GJB1: variants seen among roughly 807,000 people sequenced by gnomAD.
The protein encoded by GJB1 is gap junction protein beta 1.
Under a neutral mutation model 12.0 loss-of-function variants are expected in GJB1, and 1 was observed. That is an observed-to-expected ratio of 0.08 (90% CI 0.03 to 0.40). The LOEUF (loss-of-function observed/expected upper bound fraction) is 0.40. Among genes scored for constraint, GJB1 ranks in the 10% least tolerant of loss-of-function variants. The pLI, the probability that GJB1 is intolerant of heterozygous loss-of-function variation, is 0.98. For missense variants in GJB1, 140 were observed against 250.3 expected, an observed-to-expected ratio of 0.56 and a Z score of 2.97; for synonymous variants, 114 against 102.8, an observed-to-expected ratio of 1.11 and a Z score of -0.66.
chrX:71,215,371 G>C (rs1459472011), intron 1 of GJB1: 1 of 112,221 alleles, frequency 8.9e-6, no homozygotes, highest in Non-Finnish European at 1.9e-5. Flanking sequence ...GCCGGGTCTT[G>C]CCTTCTACTG....
At chrX:71,218,542 A>G (rs2092529833), upstream of GJB1, among the ~76,000 whole-genome samples, 1 of 109,488 alleles carries the variant, frequency 9.1e-6, no homozygotes, top group African/African-American at 3.3e-5. Flanking sequence ...AGATCGCGCC[A>G]CTGCACTTCA....
At position 71,224,197 on chromosome X, in the gene GJB1, C is replaced by T. The variant is rs139643362; in HGVS notation, c.490C>T (p.Arg164Trp). ...GCTCTACCCTGGCTATGCCATGGTG[C>T]GGCTGGTCAAGTGCGACGTCTACCC... ...YLLYPGYAMV[R>W]LVKCDVYPCP... is the part of the protein sequence containing the mutation. The change falls in exon 2 of 2, where the codon CGG becomes TGG. Residue 164 changes from arginine (R) to tryptophan (W), a missense_variant. By Grantham distance (101) the Arg-to-Trp change is moderately radical. This residue lies in a region of GJB1 where 49 missense variants were observed against 104.5 expected (regional missense o/e 0.47). Transcript: ENST00000361726. 3 of 1,203,185 alleles carry T rather than the reference C, an allele frequency of 2.5e-6. No individual in the cohort carries two copies. The highest frequency in any genetic ancestry group is 2.2e-6 in the Non-Finnish European group (2 of 892,923).
rs185840896 is a variant in GJB1, at chrX:71,224,677, C to T, written c.*118C>T. On this transcript the variant is annotated 3_prime_UTR_variant, in exon 2 of 2. Transcript: ENST00000361726. ...TGGGGATTACTCGATCAAAACCTTC[C>T]TTCCCTGGCTACTTCCCTTCCTCCC... The T allele has an allele frequency of 5.4e-5, 37 of 678,953 alleles. No individual in the cohort carries two copies. In the Admixed American group the frequency reaches 9.3e-4, roughly 17 times the overall value. The allele number at this position is 678,953 out of a possible 1,213,427, so 56.0% of individuals were successfully genotyped here. A position where few individuals can be genotyped will look rare whatever the true frequency, so the allele number is the denominator to read the frequency against.
At chrX:71,217,799 C>T (rs2092528388) in intron 1 of GJB1, 1 of 105,431 alleles carries the variant, frequency 9.5e-6, no homozygotes, top group Non-Finnish European at 1.9e-5. Flanking sequence ...AACCTAGAAA[C>T]TCAGGGGTGG....
chrX:71,218,711 A>G (rs982553704), upstream of GJB1, among the ~76,000 whole-genome samples: 21 of 109,755 alleles, frequency 1.9e-4, no homozygotes, highest in African/African-American at 4.6e-4. Flanking sequence ...GTGAAACCCC[A>G]TCTCTACTAA....
chrX:71,224,864 C>G lies in GJB1; in HGVS notation c.*305C>G. The G allele has an allele frequency of 2.5e-6, 1 of 400,493 alleles. No homozygotes were observed. The allele number at this position is 400,493 out of a possible 1,213,427, so 33.0% of individuals were successfully genotyped here. ...GGGTACAAGAGATGGGATGCTCCGA[C>G]AGCGTCTCCAATTATGAAACTAATC... On this transcript the variant is annotated 3_prime_UTR_variant, in exon 2 of 2. Transcript: ENST00000361726.
chrX:71,215,337 T>G (rs1009229740), intron 1 of GJB1: 1 of 111,900 alleles, frequency 8.9e-6, no homozygotes, highest in Non-Finnish European at 1.9e-5. Flanking sequence ...AGGGCTGATG[T>G]GGCACAGTGG....
In GJB1 at chrX:71,215,996, C is replaced by T. The variant is rs186038035; in HGVS notation, c.-17+725C>T. ...AAGCGATTCTCCTGCCTCAGCCTCCCGAGTAGCTGGGATTACAGGCATGCA... is the reference window on the plus strand; with the variant it reads ...AAGCGATTCTCCTGCCTCAGCCTCCTGAGTAGCTGGGATTACAGGCATGCA... On this transcript the variant is annotated intron_variant, in intron 1 of 1. Coordinates refer to the GJB1 transcript ENST00000374029. Among the ~76,000 whole-genome samples the T allele has an allele frequency of 6.9e-3, 751 of 109,569 alleles. 7 individuals carry two copies. The highest frequency in any genetic ancestry group is 0.023 in the African/African-American group (692 of 30,051).
Position 71,224,539 on chromosome X carries a change from G to T in GJB1, c.832G>T (p.Asp278Tyr). The T allele has an allele frequency of 8.4e-7, 1 of 1,189,711 alleles. No individual in the cohort carries two copies. The highest frequency in any genetic ancestry group is 1.1e-6 in the Non-Finnish European group (1 of 884,386). ...CGGGGCTGGGCTGGCTGAAAAGAGC[G>T]ACCGCTGCTCGGCCTGCTGATGCCA... is the stretch of plus-strand genomic sequence containing the variant. ...GTGAGLAEKSDRCSAC is the reference protein window; with the variant it reads ...GTGAGLAEKSYRCSAC The change falls in exon 2 of 2, where the codon GAC becomes TAC. Residue 278 changes from aspartate (D) to tyrosine (Y), a missense_variant. This residue lies in a region of GJB1 where 75 missense variants were observed against 78.8 expected (regional missense o/e 0.95). Coordinates refer to ENST00000361726, the MANE Select transcript of GJB1 (RefSeq NM_000166.6).
Position 71,224,008 on chromosome X carries a change from A to G in GJB1, c.301A>G (p.Ile101Val). Residue 101 changes from isoleucine to valine, a missense_variant, in exon 2 of 2, where the codon ATA (isoleucine) becomes GTA (valine). Physicochemically the swap from Ile to Val is conservative, Grantham distance 29. This residue lies in a region of GJB1 where 49 missense variants were observed against 104.5 expected (regional missense o/e 0.47). Coordinates refer to ENST00000361726, the MANE Select transcript of GJB1 (RefSeq NM_000166.6). The part of the protein sequence containing the change: ...VAMHVAHQQH[I>V]EKKMLRLEGH... ...CATGCACGTGGCTCACCAGCAACAC[A>G]TAGAGAAGAAAATGCTACGGCTTGA... 8.3e-7 allele frequency: 1 copy of G among 1,203,192 alleles called. No individual in the cohort carries two copies. Among genetic ancestry groups the G allele is most frequent in the Non-Finnish European group, 1.1e-6 (1 of 890,515 alleles).
At chrX:71,221,218 C>T (rs769283570), upstream of GJB1, among the ~76,000 whole-genome samples, 16 of 112,138 alleles carry the variant, frequency 1.4e-4, no homozygotes, top group African/African-American at 4.5e-4. Context: ...AACTGTGGTG[C>T]CTAGTGCAGC....
In GJB1 at chrX:71,225,304, A is replaced by G. The variant is rs2092548443; in HGVS notation, c.*745A>G. 1 of 123,496 alleles carries G rather than the reference A, an allele frequency of 8.1e-6. No homozygotes were observed. The highest frequency in any genetic ancestry group is 9.5e-5 in the Admixed American group (1 of 10,562). 10.2% of individuals were successfully genotyped at this position (123,496 alleles called of 1,213,427 possible). ...TTACTGATTAAGAAAGGAACAGGGCAAAAGAAGTAGTTACTTGAGTAGCTG... is the reference window on the plus strand; with the variant it reads ...TTACTGATTAAGAAAGGAACAGGGCGAAAGAAGTAGTTACTTGAGTAGCTG... On this transcript the variant is annotated 3_prime_UTR_variant, in exon 2 of 2. Coordinates refer to ENST00000361726, the MANE Select transcript of GJB1 (RefSeq NM_000166.6).
rs1181327701 is a variant in GJB1 at position 71,224,934 on chromosome X, T to C, written c.*375T>C. ...TACCCTGTTTCTGGAGTCACATCAGTGAGGAGGGATGTGGGTAAGAGGAGC... is the reference window on the plus strand; with the variant it reads ...TACCCTGTTTCTGGAGTCACATCAGCGAGGAGGGATGTGGGTAAGAGGAGC... On this transcript the variant is annotated 3_prime_UTR_variant, in exon 2 of 2. Transcript: ENST00000361726. The C allele has an allele frequency of 1.1e-5, 3 of 261,275 alleles. No individual in the cohort carries two copies. The highest frequency in any genetic ancestry group is 1.4e-5 in the Non-Finnish European group (2 of 138,644). The allele number at this position is 261,275 out of a possible 1,213,427, so 21.5% of individuals were successfully genotyped here. A position where few individuals can be genotyped will look rare whatever the true frequency, so the allele number is the denominator to read the frequency against.
chrX:71,220,890 C>CTTTTTTTTTT (rs869189116), upstream of GJB1, among the ~76,000 whole-genome samples: 5 of 34,498 alleles, frequency 1.4e-4, no homozygotes, highest in African/African-American at 3.3e-4. Flanking sequence ...TGTTTCTTTC[C>CTTTTTTTTTT]TTTTTTTTTT....
Position 71,224,356 on chromosome X carries a change from T to C in GJB1, c.649T>C (p.Cys217Arg). The C allele has an allele frequency of 8.3e-7, 1 of 1,209,084 alleles. No homozygotes were observed. Among genetic ancestry groups the C allele is most frequent in the Non-Finnish European group, 1.1e-6 (1 of 894,793 alleles). The change falls in exon 2 of 2, where the codon TGT (cysteine) becomes CGT (arginine). Residue 217 changes from cysteine (C) to arginine (R), a missense_variant. Around this residue, in one of 4 missense-constraint regions of GJB1, gnomAD observed 75 missense variants for 78.8 expected, o/e 0.95. Coordinates refer to ENST00000361726, the MANE Select transcript of GJB1 (RefSeq NM_000166.6). ...GGTGGTGTACCTCATCATCCGGGCC[T>C]GTGCCCGCCGAGCCCAGCGCCGCTC... Reference protein sequence around the residue: ...AEVVYLIIRACARRAQRRSNP... With the variant: ...AEVVYLIIRARARRAQRRSNP...
Position 71,224,377 on chromosome X carries a change from C to A in GJB1, c.670C>A (p.Arg224Ser). ...IRACARRAQRRSNPPSRKGSG... is the reference protein window; with the variant it reads ...IRACARRAQRSSNPPSRKGSG... Reference sequence around the variant, plus strand: ...GGCCTGTGCCCGCCGAGCCCAGCGCCGCTCCAATCCACCTTCCCGCAAGGG... The same window carrying A: ...GGCCTGTGCCCGCCGAGCCCAGCGCAGCTCCAATCCACCTTCCCGCAAGGG... Residue 224 changes from arginine to serine, a missense_variant, in exon 2 of 2, where the codon CGC (arginine) becomes AGC (serine). Physicochemically the swap from Arg to Ser is moderately radical, Grantham distance 110. Coordinates refer to ENST00000361726, the MANE Select transcript of GJB1 (RefSeq NM_000166.6). 1 of 1,210,515 alleles carries A rather than the reference C, an allele frequency of 8.3e-7. No homozygotes were observed. The highest frequency in any genetic ancestry group is 1.8e-5 in the South Asian group (1 of 56,851).
At chrX:71,221,777 C>T (rs2092538401), upstream of GJB1, among the ~76,000 whole-genome samples, 1 of 111,080 alleles carries the variant, frequency 9.0e-6, no homozygotes, top group African/African-American at 3.3e-5. Context: ...CACGAGGTTG[C>T]AATATGCACT....
chrX:71,222,883 A>T (rs1439628135), upstream of GJB1: 1 of 111,291 alleles, frequency 9.0e-6, no homozygotes, highest in Non-Finnish European at 1.9e-5. Context: ...TGGTGACCTT[A>T]AGCTTCTGAC....
intron 1 of GJB1, among the ~76,000 whole-genome samples, chrX:71,215,939 T>A (rs890252302): frequency 4.8e-4 from 52 of 107,913 alleles, no homozygotes; most frequent in African/African-American, 1.8e-3. Context: ...TGGCGCAATC[T>A]CGGCTCACTG....
Sources: gnomAD v4.1 joint callset for allele counts (sites outside exome capture counted in the v4.1 genomes callset) on GRCh38, gnomAD v4.1.1 for gene constraint, gnomAD v4.1.1 regional missense constraint, MANE v1.5 for transcripts, NCBI Gene and HGNC (gene_info 2026-07-23, HGNC 2026-07-21) for gene names.